OXCT1: variants seen among roughly 807,000 people sequenced by gnomAD.
OXCT1 encodes the protein succinyl-CoA:3-ketoacid coenzyme A transferase 1, mitochondrial.
OXCT1 carries 27 observed loss-of-function variants against 69.6 expected under a neutral mutation model. The ratio of observed to expected loss-of-function variants is 0.39; its 90% CI spans 0.29 to 0.54. The LOEUF (loss-of-function observed/expected upper bound fraction) is 0.54, where lower values mean the gene tolerates loss of function less well. OXCT1 is among the 20% of genes least tolerant of loss of function. OXCT1 has a pLI of 0.72. For synonymous variants in OXCT1, 202 were observed against 217.8 expected (o/e 0.93, Z 0.64); for missense variants, 437 against 650.2 (o/e 0.67, Z 3.57).
chr5:41,806,984 A>G (rs1000359127), intron 8 of OXCT1, among the ~76,000 whole-genome samples: 1 of 152,058 alleles, frequency 6.6e-6, no homozygotes, highest in Non-Finnish European at 1.5e-5. Flanking sequence ...TTAAGATAAG[A>G]CTACAGCAGG....
intron 13 of OXCT1, among the ~76,000 whole-genome samples, chr5:41,786,701 G>T (rs2112201524): frequency 6.6e-6 from 1 of 152,244 alleles, no homozygotes; most frequent in South Asian, 2.1e-4. Flanking sequence ...ATAGGTTAAA[G>T]AGTACCACAG....
chr5:41,817,999 G>T (rs1747331221), intron 7 of OXCT1, among the ~76,000 whole-genome samples: 1 of 152,178 alleles, frequency 6.6e-6, no homozygotes, highest in African/African-American at 2.4e-5. Flanking sequence ...GCAGGATAAT[G>T]TCAATCAAGT....
At chr5:41,833,539 A>AG (rs397722273) in intron 7 of OXCT1, among the ~76,000 whole-genome samples, 52 of 151,826 alleles carry the variant, frequency 3.4e-4, no homozygotes, top group African/African-American at 1.2e-3. Flanking sequence ...AAAAAAAAAA[A>AG]GAATGTTAAT....
chr5:41,738,287 T>C (rs1361030827), intron 16 of OXCT1, among the ~76,000 whole-genome samples: 4 of 152,232 alleles, frequency 2.6e-5, no homozygotes, highest in Non-Finnish European at 5.9e-5. Flanking sequence ...ATGGTTTGGC[T>C]GTGTCCCCAC....
intron 1 of OXCT1, among the ~76,000 whole-genome samples, chr5:41,864,817 C>A (rs912725164): frequency 2.0e-5 from 3 of 152,144 alleles, no homozygotes; most frequent in Non-Finnish European, 4.4e-5. Context: ...TAAAATAAAT[C>A]TTTGTGAGTG....
At chr5:41,779,213 G>A (rs1163429640) in intron 13 of OXCT1, among the ~76,000 whole-genome samples, 2 of 152,162 alleles carry the variant, frequency 1.3e-5, no homozygotes, top group Non-Finnish European at 2.9e-5. Context: ...TTAGAAATGT[G>A]TAAATCCACA....
At chr5:41,850,397 AC>A (rs1394264634) in intron 4 of OXCT1, among the ~76,000 whole-genome samples, 1 of 152,188 alleles carries the variant, frequency 6.6e-6, no homozygotes, top group African/African-American at 2.4e-5. Context: ...TCAAAATGTA[AC>A]CGCTTATTTG....
chr5:41,822,379 A>C (rs1219841873), intron 7 of OXCT1, among the ~76,000 whole-genome samples: 1 of 152,136 alleles, frequency 6.6e-6, no homozygotes, highest in Non-Finnish European at 1.5e-5. Context: ...TTTGTGGAGA[A>C]CTGACCTCTT....
At chr5:41,798,714 T>C (rs550316826) in intron 11 of OXCT1, among the ~76,000 whole-genome samples, 20 of 152,298 alleles carry the variant, frequency 1.3e-4, no homozygotes, top group Middle Eastern at 3.4e-3. Context: ...AAATGCACAA[T>C]ACAGAAGCAA....
At chr5:41,846,516 T>G (rs952338528) in intron 5 of OXCT1, among the ~76,000 whole-genome samples, 2 of 150,286 alleles carry the variant, frequency 1.3e-5, no homozygotes, top group African/African-American at 4.9e-5. Context: ...CACATTTTCT[T>G]AATCCAGTCT....
At chr5:41,769,560 C>CAAA (rs1011999912) in intron 13 of OXCT1, among the ~76,000 whole-genome samples, 56 of 92,426 alleles carry the variant, frequency 6.1e-4, no homozygotes, top group African/African-American at 2.1e-3. Context: ...CTATCTCTAC[C>CAAA]AAAAAAAAAA....
At chr5:41,764,859 G>C (rs1232423733) in intron 13 of OXCT1, among the ~76,000 whole-genome samples, 1 of 152,156 alleles carries the variant, frequency 6.6e-6, no homozygotes, top group African/African-American at 2.4e-5. Flanking sequence ...TAGCCCATTA[G>C]GTGGTAAGAG....
At chr5:41,856,792 T>C (rs1407699178) in intron 3 of OXCT1, among the ~76,000 whole-genome samples, 1 of 152,184 alleles carries the variant, frequency 6.6e-6, no homozygotes, top group East Asian at 1.9e-4. Context: ...AGAGTGTACT[T>C]TTGAGCTAGA....
chr5:41,834,110 C>T (rs1400782339), intron 7 of OXCT1, among the ~76,000 whole-genome samples: 1 of 151,326 alleles, frequency 6.6e-6, no homozygotes, highest in African/African-American at 2.4e-5. Context: ...AGTTATAAGA[C>T]AGTCTTTTCA....
chr5:41,814,383 C>A (rs971195888), intron 7 of OXCT1, among the ~76,000 whole-genome samples: 8 of 151,978 alleles, frequency 5.3e-5, no homozygotes, highest in African/African-American at 9.7e-5. Context: ...TTAAACATGA[C>A]AGAAATATTC....
chr5:41,737,777 C>T (rs748711719), intron 16 of OXCT1, among the ~76,000 whole-genome samples: 13 of 152,114 alleles, frequency 8.5e-5, no homozygotes, highest in Non-Finnish European at 1.3e-4. Flanking sequence ...ATGTGTAGGC[C>T]GGGCACGGTG....
intron 13 of OXCT1, among the ~76,000 whole-genome samples, chr5:41,784,352 C>T (rs775686035): frequency 2.6e-5 from 4 of 152,024 alleles, no homozygotes; most frequent in Admixed American, 2.6e-4. Flanking sequence ...TTAAAGAAAA[C>T]GGGATGCAGA....
intron 16 of OXCT1, among the ~76,000 whole-genome samples, chr5:41,734,764 T>G (rs898413480): frequency 6.6e-6 from 1 of 152,170 alleles, no homozygotes; most frequent in Non-Finnish European, 1.5e-5. Context: ...CTTCCATGTG[T>G]CAAAGAAAAC....
intron 1 of OXCT1, among the ~76,000 whole-genome samples, chr5:41,864,996 CAT>C (rs774126101): frequency 2.0e-5 from 3 of 152,172 alleles, no homozygotes; most frequent in Admixed American, 6.5e-5. Context: ...ACAAATCCCA[CAT>C]AGAGAGGAAG....
Sources: allele counts gnomAD v4.1 joint callset (sites outside exome capture counted in the v4.1 genomes callset), GRCh38; gene constraint gnomAD v4.1.1; transcripts MANE v1.5; gene names NCBI Gene and HGNC (gene_info 2026-07-23, HGNC 2026-07-21).